CTNNA3: variants seen among roughly 807,000 people sequenced by gnomAD.
CTNNA3 encodes catenin alpha 3.
Under a neutral mutation model 95.7 loss-of-function variants are expected in CTNNA3, and 76 were observed. The observed-to-expected ratio is 0.79, with a 90% CI of 0.66 to 0.96. CTNNA3 has a LOEUF of 0.96. Ranked by LOEUF, CTNNA3 falls within the 40% of genes least tolerant of loss-of-function variation. The probability of loss-of-function intolerance (pLI) is 0.00; values close to 1 mark genes in which losing one functional copy is unlikely to be tolerated. For missense variants in CTNNA3, 1,191 were observed against 1,089.8 expected (o/e 1.09, Z -1.31); for synonymous variants, 431 against 374.4 (o/e 1.15, Z -1.74).
intron 12 of CTNNA3, among the ~76,000 whole-genome samples, chr10:66,304,308 CAGAAAACCTTTT>C (rs1219015959): frequency 5.9e-5 from 9 of 152,266 alleles, no homozygotes; most frequent in African/African-American, 1.9e-4. Context: ...AGTAGAAAAT[CAGAAAACCTTTT>C]GGAAAACAAT....
chr10:65,967,331 A>T (rs910671897), intron 16 of CTNNA3, among the ~76,000 whole-genome samples: 5 of 152,210 alleles, frequency 3.3e-5, no homozygotes, highest in Non-Finnish European at 5.9e-5. Flanking sequence ...AAAGGTTAGA[A>T]GCCTTCAGAT....
intron 11 of CTNNA3, among the ~76,000 whole-genome samples, chr10:66,485,712 T>A (rs1287738766): frequency 2.0e-5 from 3 of 152,122 alleles, no homozygotes; most frequent in South Asian, 2.1e-4. Context: ...CAAATTCCAA[T>A]GGTATTTTTC....
chr10:66,084,164 G>T (rs1488077338), intron 14 of CTNNA3, among the ~76,000 whole-genome samples: 1 of 135,174 alleles, frequency 7.4e-6, no homozygotes, highest in South Asian at 2.7e-4. Flanking sequence ...AAAAGAAAAA[G>T]AAAAAAAGAA....
chr10:66,147,000 G>A (rs116542252), intron 13 of CTNNA3, among the ~76,000 whole-genome samples: 105 of 152,256 alleles, frequency 6.9e-4, no homozygotes, highest in African/African-American at 2.5e-3. Flanking sequence ...AAATGCTTTT[G>A]TTCTGAGGAT....
chr10:67,650,956 C>A (rs1589534482), intron 1 of CTNNA3, among the ~76,000 whole-genome samples: 1 of 152,062 alleles, frequency 6.6e-6, no homozygotes, highest in Non-Finnish European at 1.5e-5. Flanking sequence ...ATAACCACCA[C>A]CCCCTCCCCC....
At chr10:66,066,711 A>T (rs556756963) in intron 15 of CTNNA3, among the ~76,000 whole-genome samples, 1 of 152,332 alleles carries the variant, frequency 6.6e-6, no homozygotes, top group East Asian at 1.9e-4. Context: ...CACTGCACAT[A>T]ATCTTTGGAA....
chr10:66,335,152 T>C (rs543541732), intron 12 of CTNNA3, among the ~76,000 whole-genome samples: 8 of 152,196 alleles, frequency 5.3e-5, no homozygotes, highest in African/African-American at 1.9e-4. Context: ...TCAAGGTTTT[T>C]AACTTCTTTG....
intron 5 of CTNNA3, among the ~76,000 whole-genome samples, chr10:67,222,352 C>T (rs1864701830): frequency 6.6e-6 from 1 of 152,144 alleles, no homozygotes; most frequent in African/African-American, 2.4e-5. Flanking sequence ...AGTTTTAGTT[C>T]TGTCATTAGC....
At chr10:67,344,790 C>T (rs940135795) in intron 5 of CTNNA3, among the ~76,000 whole-genome samples, 1 of 151,886 alleles carries the variant, frequency 6.6e-6, no homozygotes, top group African/African-American at 2.4e-5. Flanking sequence ...TTTTAAAACA[C>T]CAACTTTTTG....
At chr10:67,362,621 A>G (rs963608175) in intron 5 of CTNNA3, among the ~76,000 whole-genome samples, 9 of 152,214 alleles carry the variant, frequency 5.9e-5, no homozygotes, top group African/African-American at 1.4e-4. Flanking sequence ...AATAATAGCC[A>G]TCTATGACAA....
At chr10:66,847,939 A>G (rs1424139219) in intron 7 of CTNNA3, among the ~76,000 whole-genome samples, 1 of 152,166 alleles carries the variant, frequency 6.6e-6, no homozygotes, top group Non-Finnish European at 1.5e-5. Context: ...GACTTGAGGT[A>G]TGTTATAATA....
intron 5 of CTNNA3, among the ~76,000 whole-genome samples, chr10:67,372,081 T>A (rs1347969043): frequency 6.6e-6 from 1 of 152,184 alleles, no homozygotes; most frequent in Admixed American, 6.5e-5. Context: ...GGTTGTTTTT[T>A]TTTTCTTGTA....
chr10:66,800,991 C>T (rs916246624), intron 7 of CTNNA3, among the ~76,000 whole-genome samples: 2 of 151,108 alleles, frequency 1.3e-5, no homozygotes, highest in African/African-American at 4.8e-5. Flanking sequence ...AAAAAAATTC[C>T]AGACTTAACT....
chr10:65,970,310 C>G (rs548823048), intron 16 of CTNNA3, among the ~76,000 whole-genome samples: 15 of 152,162 alleles, frequency 9.9e-5, no homozygotes, highest in Admixed American at 9.2e-4. Context: ...GAGCTGATAC[C>G]TGCTACCACA....
intron 12 of CTNNA3, among the ~76,000 whole-genome samples, chr10:66,288,589 A>T (rs1178536467): frequency 6.6e-6 from 1 of 152,132 alleles, no homozygotes; most frequent in East Asian, 1.9e-4. Flanking sequence ...GAATACAATT[A>T]AACATTTATT....
At chr10:67,561,731 T>C (rs1047846691) in intron 3 of CTNNA3, among the ~76,000 whole-genome samples, 5 of 152,008 alleles carry the variant, frequency 3.3e-5, no homozygotes, top group African/African-American at 1.2e-4. Flanking sequence ...ACAAAATTGA[T>C]AGACTGCTAG....
intron 15 of CTNNA3, among the ~76,000 whole-genome samples, chr10:66,041,057 A>G (rs1178524216): frequency 1.3e-5 from 2 of 152,206 alleles, no homozygotes; most frequent in Admixed American, 1.3e-4. Flanking sequence ...ATCAAGGTTA[A>G]TTATCACCAG....
At chr10:67,750,716 T>C (rs1210243561) in intron 1 of CTNNA3, 46 of 1,574,426 alleles carry the variant, frequency 2.9e-5, no homozygotes, top group African/African-American at 5.4e-5. Flanking sequence ...TGGGAGGCCA[T>C]GGAGGAGCTG....
At chr10:66,682,488 T>G (rs927034405) in intron 9 of CTNNA3, among the ~76,000 whole-genome samples, 1 of 151,804 alleles carries the variant, frequency 6.6e-6, no homozygotes, top group African/African-American at 2.4e-5. Context: ...AAGACAGACA[T>G]AGAGAGCAAG....
Sources: gnomAD v4.1 joint callset for allele counts (sites outside exome capture counted in the v4.1 genomes callset) on GRCh38, gnomAD v4.1.1 for gene constraint, MANE v1.5 for transcripts, NCBI Gene and HGNC (gene_info 2026-07-23, HGNC 2026-07-21) for gene names.